Variants in STAMBP observed in about 807,000 individuals in gnomAD.
STAMBP encodes STAM-binding protein.
In STAMBP, 31 loss-of-function variants were observed where a neutral mutation model predicts 50.7. The ratio of observed to expected loss-of-function variants is 0.61; its 90% CI spans 0.46 to 0.83. STAMBP has a LOEUF of 0.83. Among genes scored for constraint, STAMBP ranks in the 40% least tolerant of loss-of-function variants. The pLI is 0.00. For missense variants in STAMBP, 472 were observed against 518.9 expected (o/e 0.91, Z 0.88); for synonymous variants, 211 against 192.4 (o/e 1.10, Z -0.80).
At chr2:73,859,728 A>AAAAAAT (rs1678083400) in intron 8 of STAMBP, among the ~76,000 whole-genome samples, 1 of 151,476 alleles carries the variant, frequency 6.6e-6, no homozygotes, top group African/African-American at 2.4e-5. Context: ...AAAAAAATAA[A>AAAAAAT]AATAAAAAAT....
At chr2:73,832,082 AACATATATATAT>A (rs1558553844) in intron 2 of STAMBP, among the ~76,000 whole-genome samples, 1 of 85,846 alleles carries the variant, frequency 1.2e-5, no homozygotes, top group African/African-American at 5.9e-5. Context: ...TTGAGTAGGT[AACATATATATAT>A]ATATATATAT....
At chr2:73,869,714 TTAAAG>T (rs536887304), downstream of STAMBP, among the ~76,000 whole-genome samples, 184 of 151,968 alleles carry the variant, frequency 1.2e-3, no homozygotes, top group African/African-American at 4.2e-3. Context: ...ACCCTAAAAC[TTAAAG>T]TATAATAATA....
downstream of STAMBP, among the ~76,000 whole-genome samples, chr2:73,868,884 G>GAAA (rs60251936): frequency 6.7e-6 from 1 of 149,936 alleles, no homozygotes. Flanking sequence ...CTCAAAAAAA[G>GAAA]AAAAAAAAAG....
At chr2:73,854,616 C>T (rs529061773) in intron 7 of STAMBP, among the ~76,000 whole-genome samples, 1 of 152,280 alleles carries the variant, frequency 6.6e-6, no homozygotes, top group South Asian at 2.1e-4. Flanking sequence ...GCTAAGACTA[C>T]AAGCACACAC....
rs143630426 is a variant in STAMBP, at chr2:73,837,308, G to A, written c.203+6249G>A. Among the ~76,000 whole-genome samples, 52 of 152,176 alleles carry A rather than the reference G, an allele frequency of 3.4e-4. No individual in the cohort carries two copies. In the East Asian group the frequency reaches 7.3e-3, roughly 21 times the overall value. Reference sequence around the variant, plus strand: ...GCATTGATAAAGAACACATTAGGCCGGGCACAGTGGCTCACGCCTGTAATC... The same window carrying A: ...GCATTGATAAAGAACACATTAGGCCAGGCACAGTGGCTCACGCCTGTAATC... On this transcript the variant is annotated intron_variant, in intron 2 of 9. Coordinates refer to ENST00000394070, the MANE Select transcript of STAMBP (RefSeq NM_213622.4).
intron 2 of STAMBP, among the ~76,000 whole-genome samples, chr2:73,832,282 C>T (rs1573236192): frequency 1.3e-5 from 2 of 151,436 alleles, no homozygotes; most frequent in East Asian, 3.9e-4. Context: ...TGGCAAAACC[C>T]CATCTCTACT....
chr2:73,843,031 T>G (rs1675596152), intron 2 of STAMBP, among the ~76,000 whole-genome samples: 1 of 152,174 alleles, frequency 6.6e-6, no homozygotes, highest in Non-Finnish European at 1.5e-5. Context: ...TCTTGGCTTT[T>G]GGGGCTAAGA....
intron 5 of STAMBP, 119 bp downstream of exon 5, chr2:73,847,872 C>A: frequency 1.5e-6 from 2 of 1,317,858 alleles, no homozygotes; most frequent in Non-Finnish European, 1.0e-6. Flanking sequence ...TCACAGAAAC[C>A]CATCTGATAA....
intron 9 of STAMBP, among the ~76,000 whole-genome samples, chr2:73,860,905 G>A (rs1189732402): frequency 6.6e-6 from 1 of 152,178 alleles, no homozygotes. Context: ...GATTTCAAGT[G>A]TTAGAAGAGT....
At chr2:73,847,169 A>G (rs990406574) in intron 4 of STAMBP, among the ~76,000 whole-genome samples, 1 of 151,878 alleles carries the variant, frequency 6.6e-6, no homozygotes, top group Non-Finnish European at 1.5e-5. Flanking sequence ...TTGGGATTTT[A>G]ATTGTCCTTG....
intron 4 of STAMBP, among the ~76,000 whole-genome samples, chr2:73,846,953 A>G (rs1287542279): frequency 6.6e-6 from 1 of 151,922 alleles, no homozygotes; most frequent in Non-Finnish European, 1.5e-5. Flanking sequence ...GTGGTGGTGC[A>G]CACCTGTGGT....
intron 2 of STAMBP, among the ~76,000 whole-genome samples, chr2:73,840,791 TAAAAA>T (rs1675298832): frequency 2.6e-5 from 4 of 151,828 alleles, no homozygotes; most frequent in African/African-American, 9.7e-5. Flanking sequence ...TAGTACAAAT[TAAAAA>T]TAAAGGATAT....
Position 73,840,122 on chromosome 2 carries a change from C to T in STAMBP, c.204-4691C>T, listed in dbSNP as rs1364285043. On this transcript the variant is annotated intron_variant, in intron 2 of 9. Transcript: ENST00000394070. ...GTCTGTTCCCCCATTGTAATGTATA[C>T]TCTATGGTGGGGAGGAATATTTGAC... 2.0e-5 allele frequency among the ~76,000 whole-genome samples: 3 copies of T among 152,288 alleles called. No individual in the cohort carries two copies. The South Asian group carries it at 6.2e-4, about 32-fold the overall frequency.
rs1314319708 is a variant in STAMBP at position 73,830,906 on chromosome 2, C to T, written c.50C>T (p.Ala17Val). The T allele has an allele frequency of 1.2e-6, 2 of 1,613,952 alleles. No homozygotes were observed. The highest frequency in any genetic ancestry group is 4.5e-5 in the East Asian group (2 of 44,886). The change falls in exon 2 of 10, where the codon GCT becomes GTT. Residue 17 changes from alanine (A) to valine (V), a missense_variant. Ala to Val is a moderately conservative substitution (Grantham distance 64, BLOSUM62 0). Coordinates refer to ENST00000394070, the MANE Select transcript of STAMBP (RefSeq NM_213622.4). ...VSLPPEDRVR[A>V]LSQLGSAVEV... Reference sequence around the variant, plus strand: ...CTCCCGCCCGAAGACCGGGTGAGGGCTCTCTCCCAGCTGGGTAGTGCGGTA... The same window carrying T: ...CTCCCGCCCGAAGACCGGGTGAGGGTTCTCTCCCAGCTGGGTAGTGCGGTA...
At chr2:73,869,944 T>G (rs560219928), downstream of STAMBP, among the ~76,000 whole-genome samples, 1 of 152,302 alleles carries the variant, frequency 6.6e-6, no homozygotes, top group South Asian at 2.1e-4. Flanking sequence ...TCCTAAAATA[T>G]ACATTAATAC....
intron 3 of STAMBP, 44 bp downstream of exon 3, chr2:73,844,932 C>T: frequency 6.2e-7 from 1 of 1,604,108 alleles, no homozygotes; most frequent in Non-Finnish European, 8.5e-7. Context: ...AGCTTCAGAG[C>T]AGCACAGACT....
At chr2:73,867,823 T>G (rs539739369), downstream of STAMBP, among the ~76,000 whole-genome samples, 79 of 151,666 alleles carry the variant, frequency 5.2e-4, no homozygotes, top group African/African-American at 1.9e-3. Context: ...GGGAAAGAAA[T>G]AAGTACTAAA....
intron 2 of STAMBP, among the ~76,000 whole-genome samples, chr2:73,832,072 T>C (rs1212201262): frequency 6.8e-6 from 1 of 146,450 alleles, no homozygotes; most frequent in African/African-American, 2.6e-5. Flanking sequence ...CTACTGATTT[T>C]TGAGTAGGTA....
At chr2:73,860,688 A>G (rs1305624443) in intron 9 of STAMBP, 1 of 333,778 alleles carries the variant, frequency 3.0e-6, no homozygotes, top group African/African-American at 2.2e-5. Context: ...TGTGAATAAA[A>G]AGTTTAGTTG....
Sources: gnomAD v4.1 joint callset for allele counts (sites outside exome capture counted in the v4.1 genomes callset) on GRCh38, gnomAD v4.1.1 for gene constraint, MANE v1.5 for transcripts, NCBI Gene and HGNC (gene_info 2026-07-23, HGNC 2026-07-21) for gene names.